The following ZDHHC2 variants were observed in gnomAD, a reference collection of about 807,000 sequenced individuals.
ZDHHC2 encodes zDHHC palmitoyltransferase 2.
Under a neutral mutation model 55.6 loss-of-function variants are expected in ZDHHC2, and 51 were observed. The observed-to-expected ratio is 0.92, with a 90% confidence interval of 0.73 to 1.16. The LOEUF (loss-of-function observed/expected upper bound fraction) is 1.16. Among genes scored for constraint, ZDHHC2 ranks in the 50% most tolerant of loss-of-function variants. ZDHHC2 has a pLI of 0.00. For missense variants in ZDHHC2, 491 were observed against 442.4 expected (o/e 1.11, Z -0.99); for synonymous variants, 199 against 152.9 (o/e 1.30, Z -2.22).
In ZDHHC2 at chr8:17,207,607, C is replaced by T. The variant is rs371186425; in HGVS notation, c.598-353C>T. On this transcript the variant is annotated intron_variant, in intron 7 of 12. Coordinates refer to ENST00000262096, the MANE Select transcript of ZDHHC2 (RefSeq NM_016353.5). ...CGTTTGTGATTCTGTAGTATGTTAA[C>T]AAAACATACTCCGTTAATAAATTTA... Among the ~76,000 whole-genome samples, 4 of 152,040 alleles carry T rather than the reference C, an allele frequency of 2.6e-5. No homozygotes were observed. In the East Asian group the frequency reaches 7.7e-4, roughly 29 times the overall value.
chr8:17,176,742 T>G (rs1404804806), intron 1 of ZDHHC2, among the ~76,000 whole-genome samples: 2 of 151,712 alleles, frequency 1.3e-5, no homozygotes, highest in East Asian at 3.9e-4. Context: ...AGGAAAGACG[T>G]GTGAGGTGAG....
At chr8:17,208,257 G>C (rs991692650) in intron 8 of ZDHHC2, among the ~76,000 whole-genome samples, 165 bp downstream of exon 8, 17 of 149,774 alleles carry the variant, frequency 1.1e-4, no homozygotes, top group Non-Finnish European at 1.8e-4. Context: ...ATACAGGTTT[G>C]CTCATTCCAT....
rs985681967 is a variant in ZDHHC2 at position 17,220,329 on chromosome 8, T to G, written c.*108T>G. The G allele has an allele frequency of 9.2e-5, 14 of 152,198 alleles. No individual in the cohort carries two copies. The highest frequency in any genetic ancestry group is 3.4e-4 in the African/African-American group (14 of 41,448). The allele number at this position is 152,198 out of a possible 1,614,324, so 9.4% of individuals were successfully genotyped here. A position where few individuals can be genotyped will look rare whatever the true frequency, so the allele number is the denominator to read the frequency against. On this transcript the variant is annotated 3_prime_UTR_variant, in exon 13 of 13. Transcript: ENST00000262096. ...ACCAGTCAGTTGTGCCTATGTCCCT[T>G]TGGCTGGAAATGCAGAATATGAATT...
chr8:17,158,088 T>C (rs1399555457), intron 1 of ZDHHC2, among the ~76,000 whole-genome samples: 1 of 151,702 alleles, frequency 6.6e-6, no homozygotes, highest in African/African-American at 2.4e-5. Context: ...ACAAGCTTAA[T>C]AGTCCAAAAA....
chr8:17,197,261 G>A lies in ZDHHC2; in HGVS notation c.374-321G>A, dbSNP rs535390962. Among the ~76,000 whole-genome samples the A allele has an allele frequency of 1.2e-3, 179 of 152,208 alleles. 1 individual carries two copies. The highest frequency in any genetic ancestry group is 3.9e-3 in the African/African-American group (164 of 41,544). On this transcript the variant is annotated intron_variant, in intron 4 of 12. Transcript: ENST00000262096. ...GTACAAGAAATAAATTGGTTTAATT[G>A]AGGGAGACATTCTATTTATTTTGAT...
intron 1 of ZDHHC2, among the ~76,000 whole-genome samples, chr8:17,171,761 G>A (rs1804866398): frequency 6.6e-6 from 1 of 151,486 alleles, no homozygotes; most frequent in African/African-American, 2.4e-5. Context: ...ATGAGAAAAA[G>A]CCAGTCACAG....
chr8:17,203,157 T>C (rs1385526353), intron 6 of ZDHHC2, among the ~76,000 whole-genome samples: 2 of 149,308 alleles, frequency 1.3e-5, no homozygotes, highest in Non-Finnish European at 3.0e-5. Context: ...CCTCCCGGGT[T>C]CAAGCAGTTC....
At chr8:17,180,083 G>A (rs1805351254) in intron 1 of ZDHHC2, among the ~76,000 whole-genome samples, 1 of 152,188 alleles carries the variant, frequency 6.6e-6, no homozygotes, top group African/African-American at 2.4e-5. Context: ...ATATTTTAGT[G>A]TAATAATAGC....
chr8:17,161,311 G>A (rs540784541), intron 1 of ZDHHC2, among the ~76,000 whole-genome samples: 77 of 152,214 alleles, frequency 5.1e-4, no homozygotes, highest in African/African-American at 1.8e-3. Context: ...TTAATATCTT[G>A]ATATTCCTGA....
At chr8:17,189,923 T>G (rs1024184884) in intron 3 of ZDHHC2, among the ~76,000 whole-genome samples, 2 of 152,166 alleles carry the variant, frequency 1.3e-5, no homozygotes, top group Non-Finnish European at 2.9e-5. Context: ...AGGTATCTAG[T>G]GCTACTGTGT....
At chr8:17,209,748 TATG>T (rs1303036618) in intron 8 of ZDHHC2, among the ~76,000 whole-genome samples, 181 bp from the exon 9 acceptor site, 1 of 152,188 alleles carries the variant, frequency 6.6e-6, no homozygotes, top group Non-Finnish European at 1.5e-5. Flanking sequence ...AGGTATATCT[TATG>T]ATATTTTAAA....
Position 17,223,537 on chromosome 8 carries a change from G to C in ZDHHC2, c.*3316G>C, listed in dbSNP as rs897263667. The C allele has an allele frequency of 4.0e-5, 6 of 151,804 alleles. No homozygotes were observed. Among genetic ancestry groups the C allele is most frequent in the African/African-American group, 1.4e-4 (6 of 41,404 alleles). The allele number at this position is 151,804 out of a possible 1,614,324, so 9.4% of individuals were successfully genotyped here. A position where few individuals can be genotyped will look rare whatever the true frequency, so the allele number is the denominator to read the frequency against. On this transcript the variant is annotated 3_prime_UTR_variant, in exon 13 of 13. Transcript: ENST00000262096. ...CCACATACTTAGCCAGTTCAGCACC[G>C]ATTTCCTCTTATATGTGGAAGGAGA...
In ZDHHC2 at chr8:17,178,090, A is replaced by G. The variant is rs571210080; in HGVS notation, c.131-6699A>G. Among the ~76,000 whole-genome samples, 6 of 152,308 alleles carry G rather than the reference A, an allele frequency of 3.9e-5. No homozygotes were observed. In the South Asian group the frequency reaches 1.2e-3, roughly 32 times the overall value. On this transcript the variant is annotated intron_variant, in intron 1 of 12. Coordinates refer to ENST00000262096, the MANE Select transcript of ZDHHC2 (RefSeq NM_016353.5). ...TTGTCTATTATGAAGGTGTAGTAGC[A>G]CACAAGTAGCCATGTAAGTATCTGA...
At chr8:17,207,052 G>A (rs1807134046) in intron 7 of ZDHHC2, among the ~76,000 whole-genome samples, 1 of 152,182 alleles carries the variant, frequency 6.6e-6, no homozygotes, top group African/African-American at 2.4e-5. Context: ...TCCTGTGGAT[G>A]ATTTTAGTTT....
Position 17,222,888 on chromosome 8 carries a change from A to G in ZDHHC2, c.*2667A>G, listed in dbSNP as rs1807980647. 1 of 151,856 alleles carries G rather than the reference A, an allele frequency of 6.6e-6. No individual in the cohort carries two copies. The highest frequency in any genetic ancestry group is 6.6e-5 in the Admixed American group (1 of 15,218). 9.4% of individuals were successfully genotyped at this position (151,856 alleles called of 1,614,324 possible). On this transcript the variant is annotated 3_prime_UTR_variant, in exon 13 of 13. Transcript: ENST00000262096. ...TAGGTCTTGGGAGGGGTGGTGAGAAAATAAGGTATTTACTTTGTAGTAGTT... is the reference window on the plus strand; with the variant it reads ...TAGGTCTTGGGAGGGGTGGTGAGAAGATAAGGTATTTACTTTGTAGTAGTT...
rs1169155871 is a variant in ZDHHC2 at position 17,199,592 on chromosome 8, CTTCTTCTTTATTCT to C, written c.476+1188_476+1201del. Among the ~76,000 whole-genome samples, 37 of 37,106 alleles carry C rather than the reference CTTCTTCTTTATTCT, an allele frequency of 1.0e-3. 2 individuals are homozygous for C. Among genetic ancestry groups the C allele is most frequent in the Admixed American group, 5.0e-3 (18 of 3,582 alleles). The allele number at this position is 37,106 out of a possible 152,430, so 24.3% of individuals were successfully genotyped here. A position where few individuals can be genotyped will look rare whatever the true frequency, so the allele number is the denominator to read the frequency against. ...CGTCTTTGTCTTCTTCTTCTTCTTT[CTTCTTCTTTATTCT>C]TTCTTCTTCTTCTTCTTCCTTTCTT... On this transcript the variant is annotated intron_variant, in intron 6 of 12. Transcript: ENST00000262096.
At chr8:17,190,540 T>C (rs1805964144) in intron 3 of ZDHHC2, among the ~76,000 whole-genome samples, 1 of 152,180 alleles carries the variant, frequency 6.6e-6, no homozygotes, top group Non-Finnish European at 1.5e-5. Flanking sequence ...GCCCTTTTCA[T>C]AGCAAGATTG....
At position 17,196,767 on chromosome 8, in the gene ZDHHC2, G is replaced by A. The variant is rs571910629; in HGVS notation, c.374-815G>A. Among the ~76,000 whole-genome samples the A allele has an allele frequency of 9.9e-5, 15 of 152,018 alleles. No homozygotes were observed. The South Asian group carries it at 1.0e-3, about 11-fold the overall frequency. The stretch of plus-strand genomic sequence containing the variant: ...AAAATACAAAAAAATTAGCCTGGGC[G>A]TGGTGGCGCATGCCTGTAGTCCCAG... On this transcript the variant is annotated intron_variant, in intron 4 of 12. Transcript: ENST00000262096.
At chr8:17,203,362 C>A (rs1185627864) in intron 6 of ZDHHC2, among the ~76,000 whole-genome samples, 1 of 152,082 alleles carries the variant, frequency 6.6e-6, no homozygotes, top group Non-Finnish European at 1.5e-5. Flanking sequence ...TCCCGAGTAG[C>A]TGGAACTACA....
Sources: gnomAD v4.1 joint callset for allele counts (sites outside exome capture counted in the v4.1 genomes callset) on GRCh38, gnomAD v4.1.1 for gene constraint, MANE v1.5 for transcripts, NCBI Gene and HGNC (gene_info 2026-07-23, HGNC 2026-07-21) for gene names.